LRP1B: variants seen among roughly 807,000 people sequenced by gnomAD.
The protein encoded by LRP1B is LDL receptor related protein 1B.
LRP1B carries 217 observed loss-of-function variants against 556.6 expected under a neutral mutation model. The ratio of observed to expected loss-of-function variants is 0.39; its 90% confidence interval spans 0.35 to 0.44. LRP1B has a LOEUF of 0.44. Ranked by LOEUF, LRP1B falls within the 20% of genes least tolerant of loss-of-function variation. The pLI is 1.00. For missense variants in LRP1B, 5,053 were observed against 5,620.8 expected, an observed-to-expected ratio of 0.90 and a Z score of 3.23; for synonymous variants, 2,047 against 1,865.8, an observed-to-expected ratio of 1.10 and a Z score of -2.50.
At chr2:141,893,724 G>A (rs551589952) in intron 1 of LRP1B, among the ~76,000 whole-genome samples, 34 of 152,120 alleles carry the variant, frequency 2.2e-4, no homozygotes, top group Admixed American at 3.9e-4. Context: ...AAACTACTCC[G>A]TTTACCTTGT....
intron 2 of LRP1B, among the ~76,000 whole-genome samples, chr2:141,512,520 A>C (rs1684167776): frequency 6.6e-6 from 1 of 152,178 alleles, no homozygotes; most frequent in African/African-American, 2.4e-5. Flanking sequence ...TATCATATTG[A>C]GAATGGCAGA....
At chr2:140,478,144 CTTTTTTTTTTTT>C (rs35948232) in intron 59 of LRP1B, among the ~76,000 whole-genome samples, 4 of 62,780 alleles carry the variant, frequency 6.4e-5, no homozygotes, top group African/African-American at 1.1e-4. Flanking sequence ...TATAACTTAA[CTTTTTTTTTTTT>C]TTTTTTTTTT....
At chr2:141,559,722 G>A (rs559884482) in intron 2 of LRP1B, among the ~76,000 whole-genome samples, 49 of 151,462 alleles carry the variant, frequency 3.2e-4, no homozygotes, top group Non-Finnish European at 4.9e-4. Context: ...TTGATCATGA[G>A]GATGAAAAAG....
At chr2:141,167,958 T>C (rs1294050456) in intron 7 of LRP1B, among the ~76,000 whole-genome samples, 1 of 152,036 alleles carries the variant, frequency 6.6e-6, no homozygotes, top group Non-Finnish European at 1.5e-5. Flanking sequence ...ATACAACTAC[T>C]CTGTGCTAGA....
intron 3 of LRP1B, among the ~76,000 whole-genome samples, chr2:141,281,247 A>C (rs1685498572): frequency 1.3e-5 from 2 of 152,030 alleles, no homozygotes; most frequent in Admixed American, 6.6e-5. Flanking sequence ...GCTGGCTTTT[A>C]TCTTACATTA....
At chr2:141,901,200 A>G (rs1205909514) in intron 1 of LRP1B, among the ~76,000 whole-genome samples, 3 of 152,014 alleles carry the variant, frequency 2.0e-5, no homozygotes, top group Non-Finnish European at 4.4e-5. Context: ...CAACAGAAAC[A>G]TGTATAATAG....
intron 3 of LRP1B, among the ~76,000 whole-genome samples, chr2:141,432,198 GT>G (rs1246380220): frequency 6.6e-6 from 1 of 151,912 alleles, no homozygotes; most frequent in African/African-American, 2.4e-5. Context: ...TGCTTTTTCT[GT>G]ATCTTTTGAA....
At chr2:141,839,178 T>C (rs899633581) in intron 1 of LRP1B, among the ~76,000 whole-genome samples, 1 of 152,156 alleles carries the variant, frequency 6.6e-6, no homozygotes, top group Non-Finnish European at 1.5e-5. Flanking sequence ...CATCCAAAAT[T>C]GTGTTTCCTA....
intron 6 of LRP1B, among the ~76,000 whole-genome samples, chr2:141,222,610 C>A (rs989430892): frequency 6.6e-6 from 1 of 152,138 alleles, no homozygotes. Flanking sequence ...CCCCAATGAA[C>A]ATCAATGCAA....
intron 35 of LRP1B, among the ~76,000 whole-genome samples, chr2:140,759,711 T>C (rs1688852426): frequency 6.6e-6 from 1 of 152,206 alleles, no homozygotes; most frequent in South Asian, 2.1e-4. Flanking sequence ...GAGGCAATAC[T>C]GGAACTCAGT....
At chr2:140,687,797 C>T (rs1053704576) in intron 41 of LRP1B, among the ~76,000 whole-genome samples, 14 of 152,000 alleles carry the variant, frequency 9.2e-5, no homozygotes, top group African/African-American at 3.4e-4. Context: ...CTTTTTCAAA[C>T]AATAACAGGA....
intron 41 of LRP1B, among the ~76,000 whole-genome samples, chr2:140,660,973 G>A (rs952544333): frequency 1.6e-4 from 24 of 150,724 alleles, no homozygotes; most frequent in Admixed American, 1.6e-3. Flanking sequence ...TAATAATCAT[G>A]TTCTCTCTTC....
chr2:140,826,500 A>G (rs1210356991), intron 31 of LRP1B, among the ~76,000 whole-genome samples: 4 of 152,192 alleles, frequency 2.6e-5, no homozygotes. Context: ...CAGTGCCAAG[A>G]TGATCACCAG....
rs1692415720 is a variant in LRP1B at position 140,850,209 on chromosome 2, A to G, written c.4832T>C (p.Ile1611Thr). The change falls in exon 29 of 91, where the codon ATA (isoleucine) becomes ACA (threonine). Residue 1611 changes from isoleucine (I) to threonine (T), a missense_variant. Physicochemically the swap from Ile to Thr is moderately conservative, Grantham distance 89. Around this residue, in one of 5 missense-constraint regions of LRP1B, gnomAD observed 3,619 missense variants for 3,931.9 expected, o/e 0.92. Coordinates refer to ENST00000389484, the MANE Select transcript of LRP1B (RefSeq NM_018557.3). ...ACGTTCCTCAGATGCATCGAAGTCT[A>G]TCACAGTAACGTCATCAATATCAGG... ...TVPDIDDVTVIDFDASEERLY... is the reference protein window; with the variant it reads ...TVPDIDDVTVTDFDASEERLY... The G allele has an allele frequency of 1.2e-6, 2 of 1,613,442 alleles. No homozygotes were observed. Among genetic ancestry groups the G allele is most frequent in the East Asian group, 4.5e-5 (2 of 44,802 alleles).
chr2:141,051,211 C>G (rs527361405), intron 10 of LRP1B, among the ~76,000 whole-genome samples: 2 of 152,066 alleles, frequency 1.3e-5, no homozygotes, highest in Non-Finnish European at 2.9e-5. Context: ...TTCTGGAAGA[C>G]AGTGTGGCGA....
At chr2:141,834,078 C>T (rs565088390) in intron 1 of LRP1B, among the ~76,000 whole-genome samples, 5 of 151,900 alleles carry the variant, frequency 3.3e-5, no homozygotes, top group Admixed American at 1.3e-4. Context: ...TGATTATAGG[C>T]GTGCCTGGTA....
intron 3 of LRP1B, among the ~76,000 whole-genome samples, chr2:141,443,965 G>A (rs1437888981): frequency 6.6e-6 from 1 of 151,972 alleles, no homozygotes; most frequent in African/African-American, 2.4e-5. Context: ...CTAATTCTGT[G>A]AAGAAAGGCA....
intron 7 of LRP1B, among the ~76,000 whole-genome samples, chr2:141,139,025 A>C (rs553338074): frequency 1.3e-5 from 2 of 152,088 alleles, no homozygotes; most frequent in South Asian, 2.1e-4. Flanking sequence ...CAGAATAAAT[A>C]TTTTAGAAAT....
chr2:140,775,340 A>T (rs1689455214), intron 33 of LRP1B, among the ~76,000 whole-genome samples: 1 of 152,010 alleles, frequency 6.6e-6, no homozygotes, highest in South Asian at 2.1e-4. Context: ...CAAATCCTTT[A>T]GATGAAAATC....
Sources: allele counts gnomAD v4.1 joint callset (sites outside exome capture counted in the v4.1 genomes callset), GRCh38; gene constraint gnomAD v4.1.1; regional missense constraint gnomAD v4.1.1; transcripts MANE v1.5; gene names NCBI Gene and HGNC (gene_info 2026-07-23, HGNC 2026-07-21).